GALNT15: variants seen among roughly 807,000 people sequenced by gnomAD.
GALNT15 encodes UDP-GalNAc transferase T15.
GALNT15 carries 67 observed loss-of-function variants against 66.8 expected under a neutral mutation model. The observed-to-expected ratio is 1.00, with a 90% CI of 0.82 to 1.23. GALNT15 has a LOEUF of 1.23. GALNT15 is among the 50% of genes most tolerant of loss of function. The pLI, the probability that GALNT15 is intolerant of heterozygous loss-of-function variation, is 0.00. For missense variants in GALNT15, 827 were observed against 804.3 expected (o/e 1.03, Z -0.34); for synonymous variants, 313 against 311.5 (o/e 1.00, Z -0.05).
the GALNT15 span, chr3:16,243,856 G>C: frequency 2.2e-5 from 5 of 225,816 alleles, no homozygotes; most frequent in Non-Finnish European, 3.0e-5. Flanking sequence ...AGTGTGCTGG[G>C]TGTTCTTATT....
Position 16,195,192 on chromosome 3 carries a change from G to T in GALNT15, c.540-568G>T, listed in dbSNP as rs1254275674. On this transcript the variant is annotated intron_variant, in intron 1 of 9. Transcript: ENST00000339732. This position sits in a 1 kb window ranked among gnomAD's most constrained non-coding sequence, Gnocchi z 4.6. ...CTGATCTTCCCAGAAGGCCAGGAGG[G>T]GTGTCCCTAGGTCATTTAGTTGTGC... Among the ~76,000 whole-genome samples the T allele has an allele frequency of 6.6e-6, 1 of 152,166 alleles. No individual in the cohort carries two copies. Among genetic ancestry groups the T allele is most frequent in the Non-Finnish European group, 1.5e-5 (1 of 68,040 alleles).
In GALNT15 at chr3:16,229,167, G is replaced by T. The variant is rs1278396672; in HGVS notation, c.*1667G>T. 1 of 985,238 alleles carries T rather than the reference G, an allele frequency of 1.0e-6. No individual in the cohort carries two copies. Among genetic ancestry groups the T allele is most frequent in the Non-Finnish European group, 1.2e-6 (1 of 829,912 alleles). The allele number at this position is 985,238 out of a possible 1,614,324, so 61.0% of individuals were successfully genotyped here. On this transcript the variant is annotated 3_prime_UTR_variant, in exon 10 of 10. Coordinates refer to ENST00000339732, the MANE Select transcript of GALNT15 (RefSeq NM_054110.5). ...AAATAAGAAAAACTGAGTGGGAAGT[G>T]CAGTGTTTCCAAACAATACCTATCA...
At chr3:16,206,692 AAAAG>A (rs1270682954) in intron 3 of GALNT15, among the ~76,000 whole-genome samples, 6 of 151,202 alleles carry the variant, frequency 4.0e-5, no homozygotes, top group Non-Finnish European at 8.8e-5. Flanking sequence ...AAAAAAAAAA[AAAAG>A]AAAGAAAGAA....
At chr3:16,244,086 C>A in the GALNT15 span, 10 of 840,252 alleles carry the variant, frequency 1.2e-5, no homozygotes, top group Admixed American at 6.2e-5. Context: ...AAGTAACAAT[C>A]AAGACAGAAG....
At chr3:16,221,256 CTTTTT>C (rs60472018) in intron 8 of GALNT15, among the ~76,000 whole-genome samples, 16 of 140,250 alleles carry the variant, frequency 1.1e-4, no homozygotes, top group Non-Finnish European at 1.5e-4. Flanking sequence ...CTTTCTTGTT[CTTTTT>C]TTTTTTTTTT....
downstream of GALNT15, among the ~76,000 whole-genome samples, chr3:16,231,280 A>G (rs1211400720): frequency 1.3e-5 from 2 of 152,196 alleles, no homozygotes; most frequent in African/African-American, 2.4e-5. This position sits in a 1 kb window ranked among gnomAD's most constrained non-coding sequence, Gnocchi z 4.1. Context: ...CTATGTAACA[A>G]ACCTGCACGT....
At chr3:16,245,139 G>T in the GALNT15 span, among the ~76,000 whole-genome samples, 2 of 152,184 alleles carry the variant, frequency 1.3e-5, no homozygotes, top group Non-Finnish European at 2.9e-5. Flanking sequence ...CTTTCAGGTG[G>T]ATAATTATAC....
intron 6 of GALNT15, 28 bp downstream of exon 6, chr3:16,212,791 G>T: frequency 6.2e-7 from 1 of 1,602,500 alleles, no homozygotes; most frequent in Non-Finnish European, 8.5e-7. Flanking sequence ...TGGGGCTTCT[G>T]TGTCCAGCAC....
In GALNT15 at chr3:16,227,169, G is replaced by A. The variant is rs1027072331; in HGVS notation, c.1774-185G>A. Among the ~76,000 whole-genome samples, 2 of 152,148 alleles carry A rather than the reference G, an allele frequency of 1.3e-5. No homozygotes were observed. Among genetic ancestry groups the A allele is most frequent in the Non-Finnish European group, 2.9e-5 (2 of 68,026 alleles). ...ATTAGTTACCCCTAAGGTTTTGAGTGACATCCAAATTTTAGGGCTACCTAA... is the reference window on the plus strand; with the variant it reads ...ATTAGTTACCCCTAAGGTTTTGAGTAACATCCAAATTTTAGGGCTACCTAA... On this transcript the variant is annotated intron_variant, in intron 9 of 9. Transcript: ENST00000339732. The surrounding 1 kb of genome is among the most constrained non-coding windows in gnomAD (Gnocchi z 4.5).
At chr3:16,190,539 G>A (rs529728730) in intron 1 of GALNT15, among the ~76,000 whole-genome samples, 7 of 151,816 alleles carry the variant, frequency 4.6e-5, no homozygotes, top group African/African-American at 1.7e-4. Flanking sequence ...TCAGGAGGCT[G>A]AGGCAGGAGA....
chr3:16,175,172 C>T lies in GALNT15; in HGVS notation c.21C>T (p.Tyr7=), dbSNP rs1209168549. 1.2e-6 allele frequency: 2 copies of T among 1,613,602 alleles called. No homozygotes were observed. The highest frequency in any genetic ancestry group is 1.7e-6 in the Non-Finnish European group (2 of 1,179,610). The change falls in exon 1 of 10, where the codon TAC becomes TAT. Residue 7 remains tyrosine (Y), a synonymous_variant. Coordinates refer to ENST00000339732, the MANE Select transcript of GALNT15 (RefSeq NM_054110.5). This position sits in a 1 kb window ranked among gnomAD's most constrained non-coding sequence, Gnocchi z 5.6. ...GCAACATGCTCCTAAGGAAGCGATA[C>T]AGGCACAGACCATGCAGACTCCAGT... The part of the protein sequence containing the change: MLLRKR[Y]RHRPCRLQFL...
chr3:16,218,850 T>C (rs2063909048), intron 6 of GALNT15, among the ~76,000 whole-genome samples: 1 of 146,898 alleles, frequency 6.8e-6, no homozygotes, highest in Non-Finnish European at 1.5e-5. Flanking sequence ...AGTCTTGCTC[T>C]GTCGCCCAGG....
rs1488234866 is a variant in GALNT15, at chr3:16,183,686, G to C, written c.539+7996G>C. Among the ~76,000 whole-genome samples, 1 of 152,148 alleles carries C rather than the reference G, an allele frequency of 6.6e-6. No individual in the cohort carries two copies. Among genetic ancestry groups the C allele is most frequent in the East Asian group, 1.9e-4 (1 of 5,182 alleles). On this transcript the variant is annotated intron_variant, in intron 1 of 9. Transcript: ENST00000339732. The surrounding 1 kb of genome is among the most constrained non-coding windows in gnomAD (Gnocchi z 5.2). ...GGCTGAGATAGAGAAGCCTATCCGA[G>C]TGGGGCGCCTCCACTGATTTGATAG...
At chr3:16,232,930 A>G (rs1288699281), downstream of GALNT15, among the ~76,000 whole-genome samples, 1 of 151,684 alleles carries the variant, frequency 6.6e-6, no homozygotes, top group African/African-American at 2.4e-5. Context: ...CCACTGTCTG[A>G]GTAGCAACGA....
At chr3:16,178,096 G>C (rs1364867423) in intron 1 of GALNT15, among the ~76,000 whole-genome samples, 1 of 152,160 alleles carries the variant, frequency 6.6e-6, no homozygotes, top group East Asian at 1.9e-4. Flanking sequence ...TGTGGTACAT[G>C]TGTGCGTATG....
At position 16,203,942 on chromosome 3, in the gene GALNT15, T is replaced by A. The variant is rs1337977011; in HGVS notation, c.911+3119T>A. Among the ~76,000 whole-genome samples, 3 of 151,714 alleles carry A rather than the reference T, an allele frequency of 2.0e-5. No homozygotes were observed. Among genetic ancestry groups the A allele is most frequent in the Non-Finnish European group, 4.4e-5 (3 of 67,972 alleles). ...AAGGCATTTGGTGCAGCTCCTCACA[T>A]GGAGAGGAGAGGGGGCCCAGCTGTC... is the stretch of plus-strand genomic sequence containing the variant. On this transcript the variant is annotated intron_variant, in intron 3 of 9. Coordinates refer to ENST00000339732, the MANE Select transcript of GALNT15 (RefSeq NM_054110.5). This position sits in a 1 kb window ranked among gnomAD's most constrained non-coding sequence, Gnocchi z 6.2.
At chr3:16,238,971 C>T in the GALNT15 span, among the ~76,000 whole-genome samples, 1 of 152,134 alleles carries the variant, frequency 6.6e-6, no homozygotes, top group Non-Finnish European at 1.5e-5. The surrounding 1 kb of genome is among the most constrained non-coding windows in gnomAD (Gnocchi z 4.8). Context: ...CACCTATGAT[C>T]CAGGCTCTTT....
chr3:16,202,608 G>A (rs1253933684), intron 3 of GALNT15, among the ~76,000 whole-genome samples: 2 of 152,234 alleles, frequency 1.3e-5, no homozygotes, highest in Non-Finnish European at 2.9e-5. Context: ...ACTCCAGCCT[G>A]GGCAACAGAG....
intron 6 of GALNT15, among the ~76,000 whole-genome samples, chr3:16,216,091 A>G (rs1166949761): frequency 6.6e-6 from 1 of 152,134 alleles, no homozygotes; most frequent in Non-Finnish European, 1.5e-5. Context: ...GGTGGAATGG[A>G]ATGGATGGAT....
Sources: gnomAD v4.1 joint callset for allele counts (sites outside exome capture counted in the v4.1 genomes callset) on GRCh38, gnomAD v4.1.1 for gene constraint, Gnocchi (gnomAD v3.1) non-coding constraint, MANE v1.5 for transcripts, NCBI Gene and HGNC (gene_info 2026-07-23, HGNC 2026-07-21) for gene names.